ROR1: variants seen among roughly 807,000 people sequenced by gnomAD.
The protein encoded by ROR1 is inactive tyrosine-protein kinase transmembrane receptor ROR1.
A neutral mutation model predicts 78.8 loss-of-function variants in ROR1; 19 were observed. That is an observed-to-expected ratio of 0.24 (90% CI 0.17 to 0.35). The LOEUF is 0.35. Ranked by LOEUF, ROR1 falls within the 10% of genes least tolerant of loss-of-function variation. ROR1 has a pLI of 1.00. For synonymous variants in ROR1, 386 were observed against 433.6 expected (o/e 0.89, Z 1.36); for missense variants, 917 against 1,177.8 (o/e 0.78, Z 3.24).
chr1:63,830,341 C>G (rs1034629597), intron 1 of ROR1, among the ~76,000 whole-genome samples: 1 of 152,072 alleles, frequency 6.6e-6, no homozygotes, highest in Admixed American at 6.6e-5. Context: ...AAGAACTACC[C>G]GAGACTGGGT....
chr1:64,066,997 C>T (rs1193406837), intron 4 of ROR1, among the ~76,000 whole-genome samples: 1 of 151,748 alleles, frequency 6.6e-6, no homozygotes. Flanking sequence ...CTTCAAACTC[C>T]AGTGTGTACC....
rs150446489 is a variant in ROR1, at chr1:63,985,698, C to T, written c.92-23607C>T. Among the ~76,000 whole-genome samples, 824 of 151,794 alleles carry T rather than the reference C, an allele frequency of 5.4e-3. 7 individuals carry two copies. The highest frequency in any genetic ancestry group is 0.018 in the African/African-American group (762 of 41,438). On this transcript the variant is annotated intron_variant, in intron 1 of 8. Coordinates refer to ENST00000371079, the MANE Select transcript of ROR1 (RefSeq NM_005012.4). ...GAGTTTGAGACCACTCTGGGCAACA[C>T]AGAAAGACCCTGTCTCTTTAAAAAA...
chr1:64,053,100 A>G (rs150640956), intron 4 of ROR1, among the ~76,000 whole-genome samples: 14 of 152,336 alleles, frequency 9.2e-5, no homozygotes, highest in Non-Finnish European at 1.6e-4. Context: ...TGTTTGTCAA[A>G]TTGTACACTA....
intron 2 of ROR1, among the ~76,000 whole-genome samples, chr1:64,037,218 C>T (rs1432118897): frequency 6.6e-6 from 1 of 152,212 alleles, no homozygotes; most frequent in Non-Finnish European, 1.5e-5. Flanking sequence ...GGCACACAGA[C>T]TCCACCTTCT....
intron 1 of ROR1, among the ~76,000 whole-genome samples, chr1:63,925,170 C>CG (rs1221382296): frequency 2.0e-5 from 3 of 147,526 alleles, no homozygotes; most frequent in African/African-American, 7.6e-5. Flanking sequence ...CCCTTCCCCC[C>CG]ACCCCACAAC....
chr1:63,868,790 G>A (rs1645232869), intron 1 of ROR1, among the ~76,000 whole-genome samples: 1 of 152,206 alleles, frequency 6.6e-6, no homozygotes, highest in South Asian at 2.1e-4. Flanking sequence ...CTGAGCTTGG[G>A]AGAATGAGTA....
At chr1:64,139,015 A>G (rs1448214684) in intron 5 of ROR1, among the ~76,000 whole-genome samples, 3 of 151,868 alleles carry the variant, frequency 2.0e-5, no homozygotes, top group Admixed American at 6.6e-5. Flanking sequence ...AACAATACAA[A>G]TATCAGCTGG....
intron 1 of ROR1, among the ~76,000 whole-genome samples, chr1:63,809,087 A>C (rs1028635327): frequency 1.3e-5 from 2 of 152,208 alleles, no homozygotes; most frequent in African/African-American, 4.8e-5. Flanking sequence ...AGTGTCTTAA[A>C]TGCTTTCTTT....
intron 2 of ROR1, among the ~76,000 whole-genome samples, chr1:64,010,007 A>G (rs1049557847): frequency 7.2e-5 from 11 of 152,162 alleles, no homozygotes; most frequent in African/African-American, 2.7e-4. Context: ...AGCCTTAGTT[A>G]TCTTTATTCC....
At chr1:64,104,919 CAT>C (rs1647733140) in intron 4 of ROR1, among the ~76,000 whole-genome samples, 1 of 152,192 alleles carries the variant, frequency 6.6e-6, no homozygotes, top group Admixed American at 6.5e-5. Flanking sequence ...CTGCAATAAA[CAT>C]ATGTGTGCAT....
At chr1:63,840,514 T>G (rs565073402) in intron 1 of ROR1, among the ~76,000 whole-genome samples, 13 of 152,168 alleles carry the variant, frequency 8.5e-5, no homozygotes, top group African/African-American at 2.9e-4. Context: ...ACTCTTGACC[T>G]CAGGTGATCT....
At chr1:63,937,197 C>A (rs1007668089) in intron 1 of ROR1, among the ~76,000 whole-genome samples, 1 of 152,192 alleles carries the variant, frequency 6.6e-6, no homozygotes, top group African/African-American at 2.4e-5. Context: ...CTCTTAGTGA[C>A]TGAGGTTTAG....
chr1:63,858,222 T>A (rs919952261), intron 1 of ROR1, among the ~76,000 whole-genome samples: 1 of 152,230 alleles, frequency 6.6e-6, no homozygotes, highest in African/African-American at 2.4e-5. Flanking sequence ...CCTGAAATGG[T>A]GTCTTCTTGA....
At chr1:64,091,859 C>A (rs1423745465) in intron 4 of ROR1, among the ~76,000 whole-genome samples, 2 of 152,140 alleles carry the variant, frequency 1.3e-5, no homozygotes, top group Non-Finnish European at 2.9e-5. Context: ...CATATCCCTG[C>A]AGGAAGCGAT....
At chr1:63,898,460 T>C (rs1414705721) in intron 1 of ROR1, among the ~76,000 whole-genome samples, 1 of 149,320 alleles carries the variant, frequency 6.7e-6, no homozygotes, top group African/African-American at 2.5e-5. Flanking sequence ...CTGCAAAGCA[T>C]GGTACCGGGT....
chr1:64,014,740 C>CTATGTGTATATATATATATATA (rs1646504735), intron 2 of ROR1, among the ~76,000 whole-genome samples: 1 of 29,048 alleles, frequency 3.4e-5, no homozygotes, highest in African/African-American at 1.1e-4. Flanking sequence ...CATACGCACA[C>CTATGTGTATATATATATATATA]TATATATATA....
intron 1 of ROR1, among the ~76,000 whole-genome samples, chr1:63,781,049 C>G (rs370628959): frequency 1.3e-5 from 2 of 152,004 alleles, no homozygotes; most frequent in Non-Finnish European, 2.9e-5. Context: ...AGTAATGAAG[C>G]GTGTGGGAAG....
intron 2 of ROR1, among the ~76,000 whole-genome samples, chr1:64,010,147 G>C (rs1465087937): frequency 6.6e-6 from 1 of 152,012 alleles, no homozygotes; most frequent in African/African-American, 2.4e-5. Flanking sequence ...CCTTTTGCAA[G>C]GCAACAAATT....
At position 63,774,824 on chromosome 1, in the gene ROR1, T is replaced by A. The variant is rs1331915885; in HGVS notation, c.91+316T>A. On this transcript the variant is annotated intron_variant, in intron 1 of 8. Coordinates refer to ENST00000371079, the MANE Select transcript of ROR1 (RefSeq NM_005012.4). This position sits in a 1 kb window ranked among gnomAD's most constrained non-coding sequence, Gnocchi z 5.7. ...GTCCTGGGGGTGATCGGGGCACTTCTGTGCAGGGCGTCCCCCCTTGTCTCC... is the reference window on the plus strand; with the variant it reads ...GTCCTGGGGGTGATCGGGGCACTTCAGTGCAGGGCGTCCCCCCTTGTCTCC... Among the ~76,000 whole-genome samples the A allele has an allele frequency of 6.6e-6, 1 of 151,980 alleles. No homozygotes were observed. Among genetic ancestry groups the A allele is most frequent in the African/African-American group, 2.4e-5 (1 of 41,426 alleles).
Sources: allele counts gnomAD v4.1 joint callset (sites outside exome capture counted in the v4.1 genomes callset), GRCh38; gene constraint gnomAD v4.1.1; non-coding constraint Gnocchi (gnomAD v3.1); transcripts MANE v1.5; gene names NCBI Gene and HGNC (gene_info 2026-07-23, HGNC 2026-07-21).